Variants in MSI2 observed in about 807,000 individuals in gnomAD.
The protein encoded by MSI2 is musashi RNA binding protein 2.
MSI2 carries 17 observed loss-of-function variants against 45.6 expected under a neutral mutation model. The ratio of observed to expected loss-of-function variants is 0.37; its 90% CI spans 0.26 to 0.56. The LOEUF is 0.56. MSI2 is among the 20% of genes least tolerant of loss of function. The pLI, the probability that MSI2 is intolerant of heterozygous loss-of-function variation, is 0.77. For synonymous variants in MSI2, 156 were observed against 158.2 expected (o/e 0.99, Z 0.11); for missense variants, 293 against 444.2 (o/e 0.66, Z 3.06).
At chr17:57,447,590 G>GT (rs1678191858) in intron 6 of MSI2, among the ~76,000 whole-genome samples, 1 of 118,730 alleles carries the variant, frequency 8.4e-6, no homozygotes, top group East Asian at 3.2e-4. Context: ...TGGCATGGGT[G>GT]GGGGGGGTGT....
At chr17:57,269,271 T>C (rs1334648650) in intron 5 of MSI2, among the ~76,000 whole-genome samples, 1 of 152,176 alleles carries the variant, frequency 6.6e-6, no homozygotes, top group Non-Finnish European at 1.5e-5. Flanking sequence ...GTAGAAGGCC[T>C]CAAGGGCCCA....
chr17:57,512,016 C>T (rs1210892853), intron 6 of MSI2, among the ~76,000 whole-genome samples: 10 of 152,154 alleles, frequency 6.6e-5, no homozygotes, highest in Non-Finnish European at 1.0e-4. Flanking sequence ...TGTGATGAAC[C>T]GTCTCCCCCA....
chr17:57,553,579 G>C (rs961737852), intron 7 of MSI2, among the ~76,000 whole-genome samples: 2 of 152,172 alleles, frequency 1.3e-5, no homozygotes, highest in Non-Finnish European at 2.9e-5. Flanking sequence ...TTCCTGAGCA[G>C]CTTTCTGAGG....
At chr17:57,376,119 G>T (rs1369722515) in intron 5 of MSI2, among the ~76,000 whole-genome samples, 16 of 152,320 alleles carry the variant, frequency 1.1e-4, no homozygotes, top group African/African-American at 2.2e-4. Flanking sequence ...GGATGTCTGA[G>T]ATAGGAAAAT....
At chr17:57,515,967 C>G (rs569482600) in intron 6 of MSI2, among the ~76,000 whole-genome samples, 14 of 152,188 alleles carry the variant, frequency 9.2e-5, no homozygotes, top group African/African-American at 3.4e-4. Flanking sequence ...GGACAAAGAG[C>G]TCTTGTGAAC....
intron 5 of MSI2, among the ~76,000 whole-genome samples, chr17:57,379,766 T>C (rs1299009952): frequency 6.6e-6 from 1 of 151,730 alleles, no homozygotes; most frequent in Non-Finnish European, 1.5e-5. Context: ...CCTCAGTGGC[T>C]ATGCGTTCAG....
intron 5 of MSI2, among the ~76,000 whole-genome samples, chr17:57,333,348 T>A (rs548290671): frequency 1.4e-4 from 21 of 152,108 alleles, no homozygotes; most frequent in Non-Finnish European, 2.6e-4. Flanking sequence ...GCATTTGAGC[T>A]CTTCCTCTTC....
intron 6 of MSI2, among the ~76,000 whole-genome samples, chr17:57,420,692 C>T (rs2084379174): frequency 6.6e-6 from 1 of 152,236 alleles, no homozygotes; most frequent in Admixed American, 6.5e-5. Flanking sequence ...CAACCACCCT[C>T]TTGGGTTAGT....
At chr17:57,685,880 C>T (rs1913865660), downstream of MSI2, among the ~76,000 whole-genome samples, 1 of 152,220 alleles carries the variant, frequency 6.6e-6, no homozygotes, top group African/African-American at 2.4e-5. Flanking sequence ...GCCATCGTGG[C>T]CATGCTCCTC....
Position 57,683,862 on chromosome 17 carries a change from A to G in MSI2, c.*4345A>G. 4.3e-6 allele frequency: 1 copy of G among 232,276 alleles called. No individual in the cohort carries two copies. The highest frequency in any genetic ancestry group is 8.5e-6 in the Non-Finnish European group (1 of 117,452). The allele number at this position is 232,276 out of a possible 1,614,324, so 14.4% of individuals were successfully genotyped here. ...GCTCAGCCCCGTCCTGGGCACAGACACTACACAAGGAGACGCTGGAAGTTA... is the reference window on the plus strand; with the variant it reads ...GCTCAGCCCCGTCCTGGGCACAGACGCTACACAAGGAGACGCTGGAAGTTA... On this transcript the variant is annotated 3_prime_UTR_variant, in exon 14 of 14. Transcript: ENST00000284073. This position sits in a 1 kb window ranked among gnomAD's most constrained non-coding sequence, Gnocchi z 5.2.
intron 5 of MSI2, among the ~76,000 whole-genome samples, chr17:57,282,541 G>A (rs1598067050): frequency 6.6e-6 from 1 of 152,290 alleles, no homozygotes; most frequent in South Asian, 2.1e-4. Context: ...CTTTATGTCA[G>A]ATAAGTGCCC....
chr17:57,557,830 G>A (rs529502512), intron 7 of MSI2, among the ~76,000 whole-genome samples: 1 of 152,322 alleles, frequency 6.6e-6, no homozygotes, highest in South Asian at 2.1e-4. Context: ...GAGCAGAACT[G>A]TTTTCTTGGG....
At chr17:57,392,730 G>A (rs915849141) in intron 5 of MSI2, among the ~76,000 whole-genome samples, 3 of 152,124 alleles carry the variant, frequency 2.0e-5, no homozygotes, top group Non-Finnish European at 2.9e-5. Flanking sequence ...GTCACCTGTG[G>A]GTGACCTGAG....
intron 6 of MSI2, among the ~76,000 whole-genome samples, chr17:57,475,881 T>C (rs1170623302): frequency 1.3e-5 from 2 of 152,284 alleles, no homozygotes; most frequent in East Asian, 3.9e-4. Context: ...CATTTCAAAC[T>C]CCTGTCTGCC....
chr17:57,369,680 G>A (rs994577449), intron 5 of MSI2, among the ~76,000 whole-genome samples: 22 of 152,332 alleles, frequency 1.4e-4, no homozygotes, highest in African/African-American at 5.1e-4. Context: ...TGTGTGCCAG[G>A]TGCTGATCTG....
intron 6 of MSI2, among the ~76,000 whole-genome samples, chr17:57,436,195 G>A (rs2084687702): frequency 6.6e-6 from 1 of 152,168 alleles, no homozygotes; most frequent in African/African-American, 2.4e-5. Flanking sequence ...CGTGGCCGTG[G>A]GCAAGCGACT....
At chr17:57,618,457 C>T (rs1280723060) in intron 9 of MSI2, 1 of 152,272 alleles carries the variant, frequency 6.6e-6, no homozygotes, top group Admixed American at 6.5e-5. Flanking sequence ...TGCCCATAAT[C>T]CTAGCACTTT....
chr17:57,374,183 C>T (rs370222493), intron 5 of MSI2, among the ~76,000 whole-genome samples: 101 of 152,262 alleles, frequency 6.6e-4, no homozygotes, highest in African/African-American at 2.4e-3. Flanking sequence ...AGAAACATAG[C>T]GTCAATAGGG....
intron 7 of MSI2, among the ~76,000 whole-genome samples, chr17:57,561,104 T>A (rs1001511518): frequency 6.6e-6 from 1 of 152,176 alleles, no homozygotes; most frequent in East Asian, 1.9e-4. Context: ...GAGTCAAGTA[T>A]GGAAACCTCT....
Sources: gnomAD v4.1 joint callset for allele counts (sites outside exome capture counted in the v4.1 genomes callset) on GRCh38, gnomAD v4.1.1 for gene constraint, Gnocchi (gnomAD v3.1) non-coding constraint, MANE v1.5 for transcripts, NCBI Gene and HGNC (gene_info 2026-07-23, HGNC 2026-07-21) for gene names.